The following GALNT18 variants were observed in gnomAD, a reference collection of about 807,000 sequenced individuals.
GALNT18 encodes the protein GalNAc-transferase 18.
In GALNT18, 44 loss-of-function variants were observed where a neutral mutation model predicts 69.5. The ratio of observed to expected loss-of-function variants is 0.63; its 90% CI spans 0.50 to 0.81. The LOEUF is 0.81. Ranked by LOEUF, GALNT18 falls within the 40% of genes least tolerant of loss-of-function variation. The pLI is 0.00. For missense variants in GALNT18, 715 were observed against 810.0 expected (o/e 0.88, Z 1.42); for synonymous variants, 364 against 318.2 (o/e 1.14, Z -1.53).
intron 3 of GALNT18, among the ~76,000 whole-genome samples, chr11:11,422,353 G>A (rs916013565): frequency 2.6e-5 from 4 of 152,234 alleles, no homozygotes; most frequent in Non-Finnish European, 5.9e-5. Flanking sequence ...CAGGACTCAG[G>A]TGGTACTGGG....
At chr11:11,412,490 C>T (rs1337623822) in intron 3 of GALNT18, among the ~76,000 whole-genome samples, 1 of 152,186 alleles carries the variant, frequency 6.6e-6, no homozygotes, top group African/African-American at 2.4e-5. Flanking sequence ...CTACTCTGCA[C>T]AGTCACAAAA....
intron 1 of GALNT18, among the ~76,000 whole-genome samples, chr11:11,502,995 A>G (rs1252509139): frequency 6.6e-6 from 1 of 152,192 alleles, no homozygotes; most frequent in Admixed American, 6.5e-5. Context: ...AATGTTTGTA[A>G]TATGTACACC....
At chr11:11,424,035 C>A (rs147332783) in intron 3 of GALNT18, among the ~76,000 whole-genome samples, 1 of 152,190 alleles carries the variant, frequency 6.6e-6, no homozygotes, top group Admixed American at 6.5e-5. Context: ...AACTCCAGCC[C>A]GGGCCAGTGG....
Position 11,439,517 on chromosome 11 carries a change from C to T in GALNT18, c.429-6730G>A, listed in dbSNP as rs1855488788. ...CCCTGTGAGACTCTCACAGATTCTG[C>T]TTTTCTTTCATGCCATGTACATGCT... On this transcript the variant is annotated intron_variant, in intron 2 of 10. Coordinates refer to ENST00000227756, the MANE Select transcript of GALNT18 (RefSeq NM_198516.3). This position sits in a 1 kb window ranked among gnomAD's most constrained non-coding sequence, Gnocchi z 4.4. Among the ~76,000 whole-genome samples the T allele has an allele frequency of 6.6e-6, 1 of 152,196 alleles. No individual in the cohort carries two copies. Among genetic ancestry groups the T allele is most frequent in the African/African-American group, 2.4e-5 (1 of 41,454 alleles).
chr11:11,517,372 G>C (rs1373505323), intron 1 of GALNT18, among the ~76,000 whole-genome samples: 1 of 152,166 alleles, frequency 6.6e-6, no homozygotes, highest in East Asian at 1.9e-4. Flanking sequence ...TCTGAATCCT[G>C]TTAGGACTAA....
At chr11:11,284,771 A>C (rs970394815) in intron 10 of GALNT18, among the ~76,000 whole-genome samples, 1 of 152,170 alleles carries the variant, frequency 6.6e-6, no homozygotes, top group African/African-American at 2.4e-5. Flanking sequence ...ATGATTAGTA[A>C]TCAAATACTT....
At chr11:11,429,661 C>T (rs1394183073) in intron 3 of GALNT18, among the ~76,000 whole-genome samples, 1 of 152,172 alleles carries the variant, frequency 6.6e-6, no homozygotes, top group Non-Finnish European at 1.5e-5. Context: ...CGCTGAGAGG[C>T]TGAGGGACTT....
intron 1 of GALNT18, among the ~76,000 whole-genome samples, chr11:11,488,561 C>T (rs1856691372): frequency 6.6e-6 from 1 of 152,124 alleles, no homozygotes; most frequent in Non-Finnish European, 1.5e-5. Flanking sequence ...GGCCATCATC[C>T]TTCCTGCCAC....
intron 10 of GALNT18, among the ~76,000 whole-genome samples, chr11:11,276,717 T>C (rs563495197): frequency 1.3e-5 from 2 of 151,774 alleles, no homozygotes; most frequent in Admixed American, 1.3e-4. Context: ...GTGTTTGGCA[T>C]GAAGGGGTAT....
rs1850946271 is a variant in GALNT18 at position 11,372,899 on chromosome 11, G to A, written c.978-270C>T. 6.6e-6 allele frequency among the ~76,000 whole-genome samples: 1 copy of A among 152,108 alleles called. No homozygotes were observed. Among genetic ancestry groups the A allele is most frequent in the Non-Finnish European group, 1.5e-5 (1 of 68,022 alleles). Reference sequence around the variant, plus strand: ...GTGTGTGTGTTAGCTTTGAGAATTGGTGCTCAGCCTGCCAGTCTAGGTTGA... The same window carrying A: ...GTGTGTGTGTTAGCTTTGAGAATTGATGCTCAGCCTGCCAGTCTAGGTTGA... On this transcript the variant is annotated intron_variant, in intron 5 of 10. Coordinates refer to ENST00000227756, the MANE Select transcript of GALNT18 (RefSeq NM_198516.3). This position sits in a 1 kb window ranked among gnomAD's most constrained non-coding sequence, Gnocchi z 4.9.
rs919581274 is a variant in GALNT18, at chr11:11,564,793, T to C, written c.235+56566A>G. Among the ~76,000 whole-genome samples the C allele has an allele frequency of 6.6e-6, 1 of 152,208 alleles. No homozygotes were observed. The highest frequency in any genetic ancestry group is 2.4e-5 in the African/African-American group (1 of 41,466). On this transcript the variant is annotated intron_variant, in intron 1 of 10. Transcript: ENST00000227756. The surrounding 1 kb of genome is among the most constrained non-coding windows in gnomAD (Gnocchi z 4.3). Reference sequence around the variant, plus strand: ...GGTAGGCACTAGCCACACATGGCTATTTAAATTAAATATGTTAATTACAAT... The same window carrying C: ...GGTAGGCACTAGCCACACATGGCTACTTAAATTAAATATGTTAATTACAAT...
At position 11,448,950 on chromosome 11, in the gene GALNT18, G is replaced by C. The variant is rs1264902681; in HGVS notation, c.236-14C>G. ...TGGCAGGAGCCTCTGGAGAAAGAAG[G>C]AACAGGAGACAGTGGGTCAGAGTGC... On this transcript the variant is annotated splice_polypyrimidine_tract_variant and intron_variant, in intron 1 of 10. Coordinates refer to ENST00000227756, the MANE Select transcript of GALNT18 (RefSeq NM_198516.3). 4 of 1,564,822 alleles carry C rather than the reference G, an allele frequency of 2.6e-6. No homozygotes were observed. The South Asian group carries it at 3.5e-5, about 14-fold the overall frequency.
At chr11:11,305,827 C>T (rs750999531) in intron 9 of GALNT18, among the ~76,000 whole-genome samples, 4 of 152,186 alleles carry the variant, frequency 2.6e-5, no homozygotes, top group Admixed American at 6.5e-5. Flanking sequence ...TAATGAACCT[C>T]TGCTTATTAC....
At position 11,542,224 on chromosome 11, in the gene GALNT18, ACTGTGGGAACAGC is replaced by A. The variant is rs997974341; in HGVS notation, c.235+79122_235+79134del. The stretch of plus-strand genomic sequence containing the variant: ...GTCTTAGAAAGCAAAGCAAAACAAA[ACTGTGGGAACAGC>A]CTGTCATCTCACTCAGAGCTCCCCT... On this transcript the variant is annotated intron_variant, in intron 1 of 10. Transcript: ENST00000227756. The surrounding 1 kb of genome is among the most constrained non-coding windows in gnomAD (Gnocchi z 4.3). Among the ~76,000 whole-genome samples, 2 of 151,962 alleles carry A rather than the reference ACTGTGGGAACAGC, an allele frequency of 1.3e-5. No individual in the cohort carries two copies. Among genetic ancestry groups the A allele is most frequent in the Non-Finnish European group, 2.9e-5 (2 of 67,966 alleles).
intron 2 of GALNT18, among the ~76,000 whole-genome samples, chr11:11,443,257 C>A (rs1187203670): frequency 6.6e-6 from 1 of 152,166 alleles, no homozygotes; most frequent in African/African-American, 2.4e-5. Context: ...TCCTTCTCCA[C>A]AACTCACACC....
rs1859116106 is a variant in GALNT18 at position 11,582,731 on chromosome 11, C to A, written c.235+38628G>T. Among the ~76,000 whole-genome samples the A allele has an allele frequency of 1.3e-5, 2 of 152,238 alleles. No individual in the cohort carries two copies. The highest frequency in any genetic ancestry group is 4.8e-5 in the African/African-American group (2 of 41,468). ...GTGGAAACTAACCAACACAGCCTTTCAGCCCTCATCAAAGGTGATGCAACT... is the reference window on the plus strand; with the variant it reads ...GTGGAAACTAACCAACACAGCCTTTAAGCCCTCATCAAAGGTGATGCAACT... On this transcript the variant is annotated intron_variant, in intron 1 of 10. Transcript: ENST00000227756. The surrounding 1 kb of genome is among the most constrained non-coding windows in gnomAD (Gnocchi z 5.0).
chr11:11,574,292 A>G (rs1858866911), intron 1 of GALNT18, among the ~76,000 whole-genome samples: 1 of 152,224 alleles, frequency 6.6e-6, no homozygotes, highest in Admixed American at 6.5e-5. Flanking sequence ...TCTGAAGGCT[A>G]CAAATGAATC....
chr11:11,589,250 A>T (rs1001681996), intron 1 of GALNT18, among the ~76,000 whole-genome samples: 1 of 152,214 alleles, frequency 6.6e-6, no homozygotes, highest in Non-Finnish European at 1.5e-5. Flanking sequence ...TGGGGGGAGA[A>T]GTGGCTAACT....
intron 2 of GALNT18, among the ~76,000 whole-genome samples, chr11:11,434,533 T>C (rs556069419): frequency 1.3e-5 from 2 of 152,280 alleles, no homozygotes; most frequent in South Asian, 4.2e-4. Context: ...AAAGAAACTC[T>C]AGGCAAGAGA....
Sources: allele counts gnomAD v4.1 joint callset (sites outside exome capture counted in the v4.1 genomes callset), GRCh38; gene constraint gnomAD v4.1.1; non-coding constraint Gnocchi (gnomAD v3.1); transcripts MANE v1.5; gene names NCBI Gene and HGNC (gene_info 2026-07-23, HGNC 2026-07-21).